Variants in PHKB observed in about 807,000 individuals in gnomAD.
PHKB encodes phosphorylase b kinase regulatory subunit beta.
In PHKB, 122 loss-of-function variants were observed where a neutral mutation model predicts 152.1. The observed-to-expected ratio is 0.80, with a 90% CI of 0.69 to 0.93. The LOEUF is 0.93. Ranked by LOEUF, PHKB falls within the 40% of genes least tolerant of loss-of-function variation. PHKB has a pLI of 0.00. For synonymous variants in PHKB, 436 were observed against 464.9 expected (o/e 0.94, Z 0.80); for missense variants, 1,304 against 1,328.4 (o/e 0.98, Z 0.29).
chr16:47,560,041 A>T (rs1347436876), intron 7 of PHKB, among the ~76,000 whole-genome samples: 1 of 152,224 alleles, frequency 6.6e-6, no homozygotes, highest in African/African-American at 2.4e-5. Context: ...ACTGGCAGGG[A>T]ACCTTCACTA....
intron 27 of PHKB, among the ~76,000 whole-genome samples, chr16:47,689,387 CT>C (rs749214267): frequency 6.6e-6 from 1 of 152,076 alleles, no homozygotes; most frequent in African/African-American, 2.4e-5. Flanking sequence ...GAATTTTATG[CT>C]TTTTTTCCAG....
intron 1 of PHKB, among the ~76,000 whole-genome samples, chr16:47,483,915 A>T (rs1446366541): frequency 6.6e-6 from 1 of 152,212 alleles, no homozygotes; most frequent in Non-Finnish European, 1.5e-5. Flanking sequence ...CACTGGGGTT[A>T]CTTTGGTGAA....
At chr16:47,631,746 C>T (rs1567334662) in intron 14 of PHKB, among the ~76,000 whole-genome samples, 1 of 151,940 alleles carries the variant, frequency 6.6e-6, no homozygotes, top group Non-Finnish European at 1.5e-5. Flanking sequence ...TTCTGTTCTT[C>T]TGTTAGTTTG....
intron 26 of PHKB, among the ~76,000 whole-genome samples, chr16:47,675,286 G>A (rs553951193): frequency 6.6e-6 from 1 of 152,100 alleles, no homozygotes; most frequent in Non-Finnish European, 1.5e-5. Context: ...GCCTGCTTTG[G>A]TGTCCTCGTT....
In PHKB at chr16:47,589,101, A is replaced by G; in HGVS notation, c.1067A>G (p.Lys356Arg). Residue 356 changes from lysine (K) to arginine (R), a missense_variant and splice_region_variant, in exon 10 of 31, where the codon AAG (lysine) becomes AGG (arginine). Coordinates refer to ENST00000323584, the MANE Select transcript of PHKB (RefSeq NM_000293.3). ...NRCYYKPAEI[K>R]LFDGIECEFP... ...TGCTACTACAAGCCAGCTGAAATTA[A>G]GGTATTAAAAAATATTCCATGGTAA... 11 of 1,605,788 alleles carry G rather than the reference A, an allele frequency of 6.9e-6. No individual in the cohort carries two copies. Among genetic ancestry groups the G allele is most frequent in the Non-Finnish European group, 6.8e-6 (8 of 1,172,726 alleles).
At chr16:47,648,688 C>T in intron 17 of PHKB, 72 bp downstream of exon 17, 1 of 910,558 alleles carries the variant, frequency 1.1e-6, no homozygotes, top group Middle Eastern at 2.1e-4. Context: ...GCTTGACCTG[C>T]TATGCATCCT....
At chr16:47,642,957 C>G (rs574326525) in intron 16 of PHKB, among the ~76,000 whole-genome samples, 1 of 152,142 alleles carries the variant, frequency 6.6e-6, no homozygotes, top group Non-Finnish European at 1.5e-5. Context: ...ATGCTGTGCT[C>G]TTAGTATTCA....
intron 6 of PHKB, among the ~76,000 whole-genome samples, chr16:47,543,315 A>G (rs1301666351): frequency 6.6e-6 from 1 of 152,176 alleles, no homozygotes; most frequent in African/African-American, 2.4e-5. Flanking sequence ...AATGATTCAC[A>G]TGTATTGAAC....
Position 47,502,978 on chromosome 16 carries a change from C to T in PHKB, c.306-13C>T. On this transcript the variant is annotated splice_polypyrimidine_tract_variant and intron_variant, in intron 3 of 30. Transcript: ENST00000323584. The stretch of plus-strand genomic sequence containing the variant: ...ATTTCCAATTAGTTTCATGAGTTAT[C>T]TCTCTCACCCAGGCGAATTGATGAT... 1.3e-6 allele frequency: 2 copies of T among 1,570,280 alleles called. No homozygotes were observed. Among genetic ancestry groups the T allele is most frequent in the East Asian group, 2.2e-5 (1 of 44,632 alleles).
At chr16:47,565,681 C>T in intron 7 of PHKB, 5 of 1,357,062 alleles carry the variant, frequency 3.7e-6, no homozygotes, top group Non-Finnish European at 5.3e-6. Flanking sequence ...TCCTGAGTTT[C>T]TTCACTTTGC....
At chr16:47,678,597 G>A (rs1330909106) in intron 26 of PHKB, among the ~76,000 whole-genome samples, 16 of 151,888 alleles carry the variant, frequency 1.1e-4, no homozygotes, top group Middle Eastern at 3.4e-3. Flanking sequence ...CATGTCCTTC[G>A]CCCACTTTTT....
chr16:47,572,820 A>G (rs996060942), intron 7 of PHKB, among the ~76,000 whole-genome samples: 1 of 152,192 alleles, frequency 6.6e-6, no homozygotes, highest in South Asian at 2.1e-4. Flanking sequence ...TGTGAGTAAT[A>G]GTGTTAGCTG....
At chr16:47,510,003 G>A (rs937274736) in intron 4 of PHKB, among the ~76,000 whole-genome samples, 1 of 152,126 alleles carries the variant, frequency 6.6e-6, no homozygotes, top group African/African-American at 2.4e-5. Flanking sequence ...TCAATACTTT[G>A]TTATAACAGC....
At chr16:47,540,644 A>G (rs1971038166) in intron 6 of PHKB, among the ~76,000 whole-genome samples, 3 of 152,054 alleles carry the variant, frequency 2.0e-5, no homozygotes. Context: ...GGAAAATAAA[A>G]GAACCTACAT....
In PHKB at chr16:47,589,141, A is replaced by G. The variant is rs775218171; in HGVS notation, c.1068+39A>G. 5 of 1,453,676 alleles carry G rather than the reference A, an allele frequency of 3.4e-6. No individual in the cohort carries two copies. In the East Asian group the frequency reaches 1.1e-4, roughly 33 times the overall value. The allele number at this position is 1,453,676 out of a possible 1,614,324, so 90.0% of individuals were successfully genotyped here. On this transcript the variant is annotated intron_variant, in intron 10 of 30. Coordinates refer to ENST00000323584, the MANE Select transcript of PHKB (RefSeq NM_000293.3). ...TTCCATGGTAATCGCATATCAGAGCAATCAAAAGCACAGATTCAGGAGACT... is the reference window on the plus strand; with the variant it reads ...TTCCATGGTAATCGCATATCAGAGCGATCAAAAGCACAGATTCAGGAGACT...
chr16:47,568,338 C>G (rs1180512220), intron 7 of PHKB, among the ~76,000 whole-genome samples: 1 of 152,134 alleles, frequency 6.6e-6, no homozygotes, highest in African/African-American at 2.4e-5. Context: ...TCATAGTAGT[C>G]TTGCATGATC....
At chr16:47,615,644 C>T (rs546320716) in intron 14 of PHKB, among the ~76,000 whole-genome samples, 1 of 152,290 alleles carries the variant, frequency 6.6e-6, no homozygotes, top group African/African-American at 2.4e-5. Flanking sequence ...AGTCTCACTG[C>T]ATTGCCATTC....
At chr16:47,470,437 C>T (rs1482824375) in intron 1 of PHKB, among the ~76,000 whole-genome samples, 1 of 152,202 alleles carries the variant, frequency 6.6e-6, no homozygotes, top group African/African-American at 2.4e-5. Context: ...CCAGGTGTTC[C>T]TTGCCCTCAT....
At chr16:47,538,413 G>T (rs1430001638) in intron 6 of PHKB, among the ~76,000 whole-genome samples, 1 of 152,172 alleles carries the variant, frequency 6.6e-6, no homozygotes, top group Non-Finnish European at 1.5e-5. Context: ...AGTTTACTGT[G>T]GGATGTACTG....
Sources: gnomAD v4.1 joint callset for allele counts (sites outside exome capture counted in the v4.1 genomes callset) on GRCh38, gnomAD v4.1.1 for gene constraint, MANE v1.5 for transcripts, NCBI Gene and HGNC (gene_info 2026-07-23, HGNC 2026-07-21) for gene names.